TCF4: variants seen among roughly 807,000 people sequenced by gnomAD.
TCF4 encodes the protein SL3-3 enhancer factor 2.
Under a neutral mutation model 82.1 loss-of-function variants are expected in TCF4, and 3 were observed. The ratio of observed to expected loss-of-function variants is 0.04; its 90% CI spans 0.02 to 0.09. The LOEUF is 0.09. Among genes scored for constraint, TCF4 ranks in the 10% least tolerant of loss-of-function variants. The pLI is 1.00. For missense variants in TCF4, 518 were observed against 852.7 expected (o/e 0.61, Z 4.89); for synonymous variants, 276 against 309.6 (o/e 0.89, Z 1.14).
chr18:55,303,254 C>CCCCCCTACACACACACACACACCCCT (rs578022919), intron 8 of TCF4, among the ~76,000 whole-genome samples: 3 of 150,104 alleles, frequency 2.0e-5, no homozygotes, highest in South Asian at 2.1e-4. Context: ...CACACACACA[C>CCCCCCTACACACACACACACACCCCT]ACACACACAC....
intron 3 of TCF4, among the ~76,000 whole-genome samples, chr18:55,520,495 C>T (rs954992905): frequency 2.6e-5 from 4 of 152,064 alleles, no homozygotes; most frequent in East Asian, 1.9e-4. Context: ...GCAAAATGTT[C>T]GTTGTTTTTA....
At chr18:55,401,691 G>A (rs553246550) in intron 6 of TCF4, 87 of 986,276 alleles carry the variant, frequency 8.8e-5, no homozygotes, top group East Asian at 1.1e-4. Flanking sequence ...AGACTCACAC[G>A]GTCTGGATGA....
intron 8 of TCF4, among the ~76,000 whole-genome samples, chr18:55,283,155 A>G (rs1440820945): frequency 2.0e-5 from 3 of 151,902 alleles, no homozygotes; most frequent in South Asian, 2.1e-4. Context: ...TGAACTGACC[A>G]AAGTAAACAA....
chr18:55,635,878 T>G, exon 1 of TCF4: 2 of 1,567,852 alleles, frequency 1.3e-6, no homozygotes, highest in Non-Finnish European at 1.7e-6. Context: ...TGGTATTTTC[T>G]CCAGCCTTTT....
chr18:55,303,226 T>TACACACACACAC (rs74180496), intron 8 of TCF4, among the ~76,000 whole-genome samples: 48 of 136,068 alleles, frequency 3.5e-4, no homozygotes, highest in African/African-American at 7.6e-4. Context: ...TCCCAGTACG[T>TACACACACACAC]ACACACACAC....
intron 3 of TCF4, among the ~76,000 whole-genome samples, chr18:55,545,940 AAG>A (rs1262598703): frequency 6.6e-6 from 1 of 152,176 alleles, no homozygotes; most frequent in African/African-American, 2.4e-5. Flanking sequence ...CCCATAACTT[AAG>A]AGTTTCATTC....
intron 3 of TCF4, among the ~76,000 whole-genome samples, chr18:55,468,947 C>G (rs1480770751): frequency 6.9e-6 from 1 of 144,786 alleles, no homozygotes; most frequent in Non-Finnish European, 1.5e-5. Context: ...AAAGATATTA[C>G]CCCGGGCAAA....
At chr18:55,555,511 T>C (rs138026330) in intron 3 of TCF4, among the ~76,000 whole-genome samples, 3 of 152,344 alleles carry the variant, frequency 2.0e-5, no homozygotes, top group Non-Finnish European at 4.4e-5. Flanking sequence ...GGGTGAATAG[T>C]TGATCTGATA....
chr18:55,484,036 A>G (rs1260361321), intron 3 of TCF4, among the ~76,000 whole-genome samples: 1 of 152,212 alleles, frequency 6.6e-6, no homozygotes, highest in Admixed American at 6.5e-5. Context: ...CCTCAAGGCA[A>G]GTTATTGGAA....
At chr18:55,244,456 G>A (rs2052397738) in intron 15 of TCF4, among the ~76,000 whole-genome samples, 2 of 152,170 alleles carry the variant, frequency 1.3e-5, no homozygotes, top group South Asian at 4.2e-4. Flanking sequence ...CTTTCATACT[G>A]AGCTAATTAT....
chr18:55,449,470 G>C (rs960850104), intron 5 of TCF4, among the ~76,000 whole-genome samples: 8 of 152,192 alleles, frequency 5.3e-5, no homozygotes, highest in Non-Finnish European at 1.2e-4. Context: ...TGAAAGTTCT[G>C]AAGGAGACAG....
chr18:55,330,813 C>T (rs1041996394), intron 8 of TCF4, among the ~76,000 whole-genome samples: 4 of 149,540 alleles, frequency 2.7e-5, no homozygotes, highest in Non-Finnish European at 3.0e-5. Flanking sequence ...GTGATCCGCC[C>T]GCCCCGGCCT....
At chr18:55,339,753 A>T (rs188036266) in intron 8 of TCF4, among the ~76,000 whole-genome samples, 42 of 152,142 alleles carry the variant, frequency 2.8e-4, no homozygotes, top group Admixed American at 6.5e-4. Flanking sequence ...CTTTATATAT[A>T]AAAAAAAGTG....
intron 4 of TCF4, 56 bp downstream of exon 4, chr18:55,464,020 G>T: frequency 6.7e-7 from 1 of 1,490,438 alleles, no homozygotes; most frequent in East Asian, 2.3e-5. Context: ...CCTTCTGTTT[G>T]TCAATTTACA....
At chr18:55,627,711 G>C (rs558642375) in intron 2 of TCF4, among the ~76,000 whole-genome samples, 2 of 152,062 alleles carry the variant, frequency 1.3e-5, no homozygotes, top group East Asian at 3.9e-4. Context: ...GTTGCAGTGA[G>C]CCGAGATCAT....
Position 55,409,558 on chromosome 18 carries a change from C to T in TCF4, c.305-6040G>A, listed in dbSNP as rs555950012. The stretch of plus-strand genomic sequence containing the variant: ...CTAAACTGACTTGAGCATACATGCC[C>T]GTCCCCATCTTTTTTGTGTCTATTA... On this transcript the variant is annotated intron_variant, in intron 5 of 19. Transcript: ENST00000354452. Among the ~76,000 whole-genome samples the T allele has an allele frequency of 1.1e-4, 17 of 152,060 alleles. 1 individual carries two copies. In the South Asian group the frequency reaches 2.9e-3, roughly 26 times the overall value.
intron 11 of TCF4, among the ~76,000 whole-genome samples, chr18:55,263,478 A>C (rs1170183699): frequency 6.6e-6 from 1 of 152,114 alleles, no homozygotes; most frequent in Non-Finnish European, 1.5e-5. Context: ...CATGGATTGC[A>C]GGCATGCACC....
chr18:55,574,651 T>G lies in TCF4; in HGVS notation c.145+10629A>C, dbSNP rs369156216. On this transcript the variant is annotated intron_variant, in intron 3 of 19. Coordinates refer to ENST00000354452, the MANE Select transcript of TCF4 (RefSeq NM_001083962.2). ...ACCCAGCCTGGCCAACATCATTTAT[T>G]TCAAAAGTACCTTCTTTGAATTACT... is the stretch of plus-strand genomic sequence containing the variant. 7.0e-4 allele frequency among the ~76,000 whole-genome samples: 106 copies of G among 152,358 alleles called. No individual in the cohort carries two copies. The South Asian group carries it at 8.1e-3, about 12-fold the overall frequency.
chr18:55,462,840 T>C (rs2095897466), intron 4 of TCF4, among the ~76,000 whole-genome samples: 1 of 152,130 alleles, frequency 6.6e-6, no homozygotes, highest in African/African-American at 2.4e-5. Flanking sequence ...CATTAGAATG[T>C]CAAGCTCGAC....
Sources: allele counts gnomAD v4.1 joint callset (sites outside exome capture counted in the v4.1 genomes callset), GRCh38; gene constraint gnomAD v4.1.1; transcripts MANE v1.5; gene names NCBI Gene and HGNC (gene_info 2026-07-23, HGNC 2026-07-21).